The following PIEZO2 variants were observed in gnomAD, a reference collection of about 807,000 sequenced individuals.
PIEZO2 encodes the protein piezo type mechanosensitive ion channel component 2.
Under a neutral mutation model 337.3 loss-of-function variants are expected in PIEZO2, and 172 were observed. That is an observed-to-expected ratio of 0.51 (90% CI 0.45 to 0.58). The LOEUF (loss-of-function observed/expected upper bound fraction) is 0.58. Among genes scored for constraint, PIEZO2 ranks in the 20% least tolerant of loss-of-function variants. The pLI, the probability that PIEZO2 is intolerant of heterozygous loss-of-function variation, is 0.00. For synonymous variants in PIEZO2, 1,251 were observed against 1,228.5 expected (o/e 1.02, Z -0.38); for missense variants, 3,028 against 3,391.3 (o/e 0.89, Z 2.66).
intron 11 of PIEZO2, among the ~76,000 whole-genome samples, chr18:10,798,040 A>C (rs536257473): frequency 2.6e-4 from 39 of 152,338 alleles, no homozygotes; most frequent in African/African-American, 9.1e-4. Context: ...GTGAGAACTG[A>C]TGGCTCTGCC....
rs781744612 is a variant in PIEZO2 at position 11,148,637 on chromosome 18, T to C, written c.-49A>G. The C allele has an allele frequency of 3.3e-5, 50 of 1,530,868 alleles. No individual in the cohort carries two copies. Among genetic ancestry groups the C allele is most frequent in the Non-Finnish European group, 3.9e-5 (45 of 1,141,858 alleles). 94.8% of individuals were successfully genotyped at this position (1,530,868 alleles called of 1,614,324 possible). A position where few individuals can be genotyped will look rare whatever the true frequency, so the allele number is the denominator to read the frequency against. On this transcript the variant is annotated 5_prime_UTR_variant, in exon 1 of 56. An upstream open reading frame in the 5' UTR loses its in-frame stop. Coordinates refer to ENST00000674853, the MANE Select transcript of PIEZO2 (RefSeq NM_001378183.1). The surrounding 1 kb of genome is among the most constrained non-coding windows in gnomAD (Gnocchi z 5.2). ...CAGAGGGGCGAGGCTCGAGGGTCCCTAGGGGTGGTGGGACGCAAGGCCCAT... is the reference window on the plus strand; with the variant it reads ...CAGAGGGGCGAGGCTCGAGGGTCCCCAGGGGTGGTGGGACGCAAGGCCCAT...
chr18:10,818,646 C>G (rs1669618647), intron 7 of PIEZO2, among the ~76,000 whole-genome samples: 1 of 152,180 alleles, frequency 6.6e-6, no homozygotes, highest in Non-Finnish European at 1.5e-5. Context: ...CTCATCTGTA[C>G]TTCTTATTTA....
At chr18:11,050,342 G>T (rs1159748072) in intron 2 of PIEZO2, among the ~76,000 whole-genome samples, 1 of 152,086 alleles carries the variant, frequency 6.6e-6, no homozygotes. Flanking sequence ...AAAACCAGAT[G>T]CAATCAGCTT....
intron 47 of PIEZO2, among the ~76,000 whole-genome samples, chr18:10,692,744 A>G (rs1462731972): frequency 6.6e-6 from 1 of 152,200 alleles, no homozygotes; most frequent in Non-Finnish European, 1.5e-5. Context: ...TCTTGAGGCT[A>G]CACCTCACTG....
chr18:11,063,736 G>T (rs1482641296), intron 2 of PIEZO2, among the ~76,000 whole-genome samples: 4 of 152,218 alleles, frequency 2.6e-5, no homozygotes, highest in Non-Finnish European at 1.5e-5. Flanking sequence ...GGCTGCCCGG[G>T]AGCAGGGAGT....
At chr18:10,764,907 C>T (rs1021822028) in intron 21 of PIEZO2, among the ~76,000 whole-genome samples, 3 of 152,148 alleles carry the variant, frequency 2.0e-5, no homozygotes, top group South Asian at 2.1e-4. Context: ...ACAAGTGTCT[C>T]GTCAATTTGG....
intron 2 of PIEZO2, among the ~76,000 whole-genome samples, chr18:11,046,089 C>T (rs951883560): frequency 1.8e-4 from 27 of 152,194 alleles, no homozygotes; most frequent in African/African-American, 4.1e-4. Flanking sequence ...CCCTAACCTC[C>T]TCCCCCAATC....
At chr18:10,684,411 C>A (rs368832016) in intron 49 of PIEZO2, among the ~76,000 whole-genome samples, 4 of 150,266 alleles carry the variant, frequency 2.7e-5, no homozygotes, top group African/African-American at 4.9e-5. Flanking sequence ...GTGATCTGCC[C>A]GCCTCGGCCT....
Position 10,724,553 on chromosome 18 carries a change from T to G in PIEZO2, c.5030-6294A>C. On this transcript the variant is annotated intron_variant, in intron 36 of 55. Transcript: ENST00000674853. The surrounding 1 kb of genome is among the most constrained non-coding windows in gnomAD (Gnocchi z 5.8). ...ATGCTGGTCTCCACATACCCTTCTG[T>G]GTCCCCAGAAGTCGACAGTGTGGGG... The G allele has an allele frequency of 1.8e-6, 1 of 545,256 alleles. No individual in the cohort carries two copies. Among genetic ancestry groups the G allele is most frequent in the Non-Finnish European group, 3.3e-6 (1 of 300,930 alleles). 33.8% of individuals were successfully genotyped at this position (545,256 alleles called of 1,614,324 possible).
chr18:11,098,970 A>ATTT (rs34896056), intron 1 of PIEZO2, among the ~76,000 whole-genome samples: 5 of 140,848 alleles, frequency 3.5e-5, no homozygotes, highest in Non-Finnish European at 3.1e-5. Flanking sequence ...TATAATTTAA[A>ATTT]TTTTTTTTTT....
intron 2 of PIEZO2, among the ~76,000 whole-genome samples, chr18:11,046,386 G>T (rs2037315717): frequency 6.6e-6 from 1 of 152,252 alleles, no homozygotes; most frequent in African/African-American, 2.4e-5. Context: ...AGCACAGCCT[G>T]TATCCTTGAT....
rs2033873811 is a variant in PIEZO2 at position 10,673,645 on chromosome 18, G to A, written c.8162-772C>T. On this transcript the variant is annotated intron_variant, in intron 54 of 55. Coordinates refer to ENST00000674853, the MANE Select transcript of PIEZO2 (RefSeq NM_001378183.1). This position sits in a 1 kb window ranked among gnomAD's most constrained non-coding sequence, Gnocchi z 4.8. ...AATGCAAAAGAGTTGTAAAAGATAG[G>A]GTAAAAAGCTTGTAGTGACATTGTA... 6.6e-6 allele frequency among the ~76,000 whole-genome samples: 1 copy of A among 152,094 alleles called. No individual in the cohort carries two copies. The highest frequency in any genetic ancestry group is 2.4e-5 in the African/African-American group (1 of 41,424).
chr18:11,030,848 A>T (rs553769659), intron 2 of PIEZO2, among the ~76,000 whole-genome samples: 1 of 152,228 alleles, frequency 6.6e-6, no homozygotes, highest in African/African-American at 2.4e-5. Context: ...CTAGACAAAA[A>T]GCATTTCACT....
rs964723339 is a variant in PIEZO2 at position 11,009,089 on chromosome 18, A to G, written c.161-29429T>C. Among the ~76,000 whole-genome samples, 1 of 152,214 alleles carries G rather than the reference A, an allele frequency of 6.6e-6. No individual in the cohort carries two copies. Among genetic ancestry groups the G allele is most frequent in the Middle Eastern group, 3.2e-3 (1 of 316 alleles). On this transcript the variant is annotated intron_variant, in intron 2 of 55. Transcript: ENST00000674853. The surrounding 1 kb of genome is among the most constrained non-coding windows in gnomAD (Gnocchi z 4.6). ...TAACTACGTACGTGATTGTGTTCAA[A>G]TCCTTCAGAATCTCTGTGACCTACC...
Position 11,069,816 on chromosome 18 carries a change from C to G in PIEZO2, c.65-3594G>C, listed in dbSNP as rs2038275098. Among the ~76,000 whole-genome samples, 1 of 152,096 alleles carries G rather than the reference C, an allele frequency of 6.6e-6. No individual in the cohort carries two copies. The highest frequency in any genetic ancestry group is 2.4e-5 in the African/African-American group (1 of 41,424). On this transcript the variant is annotated intron_variant, in intron 1 of 55. Transcript: ENST00000674853. The surrounding 1 kb of genome is among the most constrained non-coding windows in gnomAD (Gnocchi z 4.9). ...AAAAAATTGTTAGAACTAATTAATT[C>G]AGTAAAGTTTCAAAATACAAAATCA...
Position 11,078,135 on chromosome 18 carries a change from C to T in PIEZO2, c.65-11913G>A, listed in dbSNP as rs1201322176. On this transcript the variant is annotated intron_variant, in intron 1 of 55. Transcript: ENST00000674853. This position sits in a 1 kb window ranked among gnomAD's most constrained non-coding sequence, Gnocchi z 5.3. ...CATATACACACCATACACACACATA[C>T]ACACACACTCACCACACACACACAT... Among the ~76,000 whole-genome samples, 1 of 147,206 alleles carries T rather than the reference C, an allele frequency of 6.8e-6. No individual in the cohort carries two copies. Among genetic ancestry groups the T allele is most frequent in the Non-Finnish European group, 1.5e-5 (1 of 67,552 alleles).
chr18:10,856,370 G>A lies in PIEZO2; in HGVS notation c.703+631C>T, dbSNP rs1286048906. 2.6e-5 allele frequency among the ~76,000 whole-genome samples: 4 copies of A among 152,158 alleles called. No individual in the cohort carries two copies. The highest frequency in any genetic ancestry group is 7.2e-5 in the African/African-American group (3 of 41,424). On this transcript the variant is annotated intron_variant, in intron 6 of 55. Coordinates refer to ENST00000674853, the MANE Select transcript of PIEZO2 (RefSeq NM_001378183.1). The surrounding 1 kb of genome is among the most constrained non-coding windows in gnomAD (Gnocchi z 4.7). ...CCATTTTTCCCACTATTAAAAAACA[G>A]CTAAGTTGCTGCATCTTTGCAGTTT... is the stretch of plus-strand genomic sequence containing the variant.
Position 10,895,013 on chromosome 18 carries a change from G to A in PIEZO2, c.329+16173C>T, listed in dbSNP as rs983065501. Among the ~76,000 whole-genome samples, 2 of 152,212 alleles carry A rather than the reference G, an allele frequency of 1.3e-5. No individual in the cohort carries two copies. The highest frequency in any genetic ancestry group is 4.8e-5 in the African/African-American group (2 of 41,458). On this transcript the variant is annotated intron_variant, in intron 4 of 55. Transcript: ENST00000674853. The surrounding 1 kb of genome is among the most constrained non-coding windows in gnomAD (Gnocchi z 4.8). ...TCCTGAGATGAGAGTCTGTAATGAA[G>A]AATTTGCCCGTGCTCTTGCATGGTC... is the stretch of plus-strand genomic sequence containing the variant.
At chr18:11,024,412 G>A (rs1245016060) in intron 2 of PIEZO2, among the ~76,000 whole-genome samples, 3 of 151,404 alleles carry the variant, frequency 2.0e-5, no homozygotes, top group African/African-American at 7.3e-5. Context: ...CGGGCGTAGT[G>A]GCGGGCGCCT....
Sources: allele counts gnomAD v4.1 joint callset (sites outside exome capture counted in the v4.1 genomes callset), GRCh38; gene constraint gnomAD v4.1.1; non-coding constraint Gnocchi (gnomAD v3.1); transcripts MANE v1.5; gene names NCBI Gene and HGNC (gene_info 2026-07-23, HGNC 2026-07-21).